The following PCDHGA1 variants were observed in gnomAD, a reference collection of about 807,000 sequenced individuals.
PCDHGA1 encodes the protein protocadherin gamma subfamily A, 1, also known as protocadherin gamma-A1.
A neutral mutation model predicts 58.0 loss-of-function variants in PCDHGA1; 32 were observed. The observed-to-expected ratio is 0.55, with a 90% CI of 0.42 to 0.74. PCDHGA1 has a LOEUF of 0.74. Ranked by LOEUF, PCDHGA1 falls within the 30% of genes least tolerant of loss-of-function variation. The pLI is 0.00. For synonymous variants in PCDHGA1, 498 were observed against 501.1 expected, an observed-to-expected ratio of 0.99 and a Z score of 0.08; for missense variants, 1,205 against 1,182.3, an observed-to-expected ratio of 1.02 and a Z score of -0.28.
At chr5:141,499,061 G>A (rs1300036203) in intron 2 of PCDHGA1, among the ~76,000 whole-genome samples, 1 of 151,914 alleles carries the variant, frequency 6.6e-6, no homozygotes, top group African/African-American at 2.4e-5. Flanking sequence ...AAATGAAGAA[G>A]ACTTACATTC....
At position 141,351,282 on chromosome 5, in the gene PCDHGA1, C is replaced by G. The variant is rs1451959157; in HGVS notation, c.2421+18177C>G. 6 of 1,613,698 alleles carry G rather than the reference C, an allele frequency of 3.7e-6. No homozygotes were observed. In the African/African-American group the frequency reaches 8.0e-5, roughly 22 times the overall value. On this transcript the variant is annotated intron_variant, in intron 1 of 3. Coordinates refer to ENST00000517417, the MANE Select transcript of PCDHGA1 (RefSeq NM_018912.3). The stretch of plus-strand genomic sequence containing the variant: ...ATTGTTGACGAGAATGACAATGCCC[C>G]AGAGGTGACATTCATGTCCTTCTCT...
chr5:141,357,226 G>T, intron 1 of PCDHGA1: 3 of 1,613,820 alleles, frequency 1.9e-6, no homozygotes, highest in Non-Finnish European at 2.5e-6. Context: ...GGCTGACTTG[G>T]GCAGCCTCAA....
chr5:141,475,381 T>G (rs1182018899), intron 1 of PCDHGA1, among the ~76,000 whole-genome samples: 3 of 152,226 alleles, frequency 2.0e-5, no homozygotes, highest in Non-Finnish European at 4.4e-5. Flanking sequence ...ACTTTTAAAT[T>G]TTATAAGCCA....
chr5:141,404,877 T>A (rs1242099855), intron 1 of PCDHGA1: 2 of 1,613,738 alleles, frequency 1.2e-6, no homozygotes, highest in Non-Finnish European at 1.7e-6. Flanking sequence ...AAACAGAGCC[T>A]TGTGGTGGCT....
intron 1 of PCDHGA1, among the ~76,000 whole-genome samples, chr5:141,467,707 G>A (rs1203906639): frequency 6.6e-6 from 1 of 152,140 alleles, no homozygotes; most frequent in Non-Finnish European, 1.5e-5. Flanking sequence ...TGTTGCCCAG[G>A]CTGGAGTGTA....
intron 1 of PCDHGA1, chr5:141,413,647 C>T (rs1371772412): frequency 1.2e-6 from 2 of 1,613,880 alleles, no homozygotes; most frequent in Non-Finnish European, 1.7e-6. Context: ...GCGTTTTCCT[C>T]TCCCGGAAGC....
intron 1 of PCDHGA1, chr5:141,415,740 G>GTTTTTTGTTT (rs2095911797): frequency 3.9e-6 from 2 of 515,998 alleles, no homozygotes; most frequent in African/African-American, 2.8e-5. Context: ...GTTTATTAAG[G>GTTTTTTGTTT]TTTTTTTTTT....
intron 1 of PCDHGA1, among the ~76,000 whole-genome samples, chr5:141,463,318 C>A (rs2099056713): frequency 6.6e-6 from 1 of 151,878 alleles, no homozygotes; most frequent in East Asian, 1.9e-4. Flanking sequence ...ATATCTATTC[C>A]TCAACTCAGC....
intron 1 of PCDHGA1, chr5:141,408,201 C>A: frequency 6.5e-7 from 1 of 1,549,032 alleles, no homozygotes; most frequent in Non-Finnish European, 8.7e-7. Context: ...CCCGAGCGAA[C>A]GATGGGAGGG....
chr5:141,394,860 G>A, intron 1 of PCDHGA1: 1 of 1,613,792 alleles, frequency 6.2e-7, no homozygotes, highest in African/African-American at 1.3e-5. Flanking sequence ...GCCTTCGGTC[G>A]ACCCGAACGA....
chr5:141,504,206 A>C (rs1209911822), intron 2 of PCDHGA1, among the ~76,000 whole-genome samples: 1 of 152,218 alleles, frequency 6.6e-6, no homozygotes, highest in East Asian at 1.9e-4. Context: ...CTGTGGGAAA[A>C]TTCCAAGTAG....
chr5:141,385,635 C>G (rs148433768), intron 1 of PCDHGA1: 13 of 870,194 alleles, frequency 1.5e-5, no homozygotes, highest in African/African-American at 1.8e-5. Context: ...TGAATCGAGT[C>G]TTTCATATTG....
chr5:141,506,115 T>C (rs1211973354), intron 3 of PCDHGA1, among the ~76,000 whole-genome samples: 1 of 152,062 alleles, frequency 6.6e-6, no homozygotes, highest in Admixed American at 6.5e-5. Context: ...GAAGAGTCAC[T>C]AGGGCCCAGA....
Position 141,489,601 on chromosome 5 carries a change from G to A in PCDHGA1, c.2422-5206G>A. On this transcript the variant is annotated intron_variant, in intron 1 of 3. Transcript: ENST00000517417. This position sits in a 1 kb window ranked among gnomAD's most constrained non-coding sequence, Gnocchi z 4.5. ...CCCCCTGGAGCTAATCCGTGTAGAG[G>A]TAGAGATCCTGGATCTCAATGACAA... 2 of 1,614,042 alleles carry A rather than the reference G, an allele frequency of 1.2e-6. No individual in the cohort carries two copies. Among genetic ancestry groups the A allele is most frequent in the East Asian group, 4.5e-5 (2 of 44,882 alleles).
Position 141,345,084 on chromosome 5 carries a change from T to C in PCDHGA1, c.2421+11979T>C, listed in dbSNP as rs751565439. ...CAATGCTCCAGAAATTACAATCACG[T>C]CTCTCACAAGCTCAGTCCCAGAAGA... On this transcript the variant is annotated intron_variant, in intron 1 of 3. Coordinates refer to ENST00000517417, the MANE Select transcript of PCDHGA1 (RefSeq NM_018912.3). 6 of 1,613,884 alleles carry C rather than the reference T, an allele frequency of 3.7e-6. No homozygotes were observed. In the Admixed American group the frequency reaches 1.0e-4, roughly 27 times the overall value.
intron 1 of PCDHGA1, chr5:141,471,361 C>T (rs1206745378): frequency 6.6e-6 from 1 of 151,976 alleles, no homozygotes; most frequent in Non-Finnish European, 1.5e-5. Context: ...TCCAAGCCCC[C>T]TATTTTTATT....
In PCDHGA1 at chr5:141,459,764, A is replaced by G. The variant is rs980972909; in HGVS notation, c.2422-35043A>G. On this transcript the variant is annotated intron_variant, in intron 1 of 3. Transcript: ENST00000517417. ...TTTTAGCAATTCTAGTGGGTGTGTG[A>G]TACTATCTCATTGAAGTTTCAACTG... Among the ~76,000 whole-genome samples, 56 of 152,208 alleles carry G rather than the reference A, an allele frequency of 3.7e-4. 1 individual carries two copies. Among genetic ancestry groups the G allele is most frequent in the Admixed American group, 6.5e-5 (1 of 15,274 alleles).
rs2099691833 is a variant in PCDHGA1, at chr5:141,489,761, C to A, written c.2422-5046C>A. 8.1e-6 allele frequency: 13 copies of A among 1,614,102 alleles called. No individual in the cohort carries two copies. The highest frequency in any genetic ancestry group is 1.1e-5 in the Non-Finnish European group (13 of 1,179,962). ...ACTGTGAGCTTTTACACTCTAAGCCCCAACAGCCACTTCTCTCTGAATGTG... is the reference window on the plus strand; with the variant it reads ...ACTGTGAGCTTTTACACTCTAAGCCACAACAGCCACTTCTCTCTGAATGTG... On this transcript the variant is annotated intron_variant, in intron 1 of 3. Coordinates refer to ENST00000517417, the MANE Select transcript of PCDHGA1 (RefSeq NM_018912.3). The surrounding 1 kb of genome is among the most constrained non-coding windows in gnomAD (Gnocchi z 4.5).
chr5:141,392,614 C>T (rs1000219739), intron 1 of PCDHGA1: 3 of 532,708 alleles, frequency 5.6e-6, no homozygotes, highest in African/African-American at 1.9e-5. Flanking sequence ...ACAAATGCAA[C>T]CGAAAACACT....
Sources: allele counts gnomAD v4.1 joint callset (sites outside exome capture counted in the v4.1 genomes callset), GRCh38; gene constraint gnomAD v4.1.1; non-coding constraint Gnocchi (gnomAD v3.1); transcripts MANE v1.5; gene names NCBI Gene and HGNC (gene_info 2026-07-23, HGNC 2026-07-21).